The following ZFHX3 variants were observed in gnomAD, a reference collection of about 807,000 sequenced individuals.
ZFHX3 encodes zinc finger homeobox protein 3.
ZFHX3 carries 42 observed loss-of-function variants against 279.1 expected under a neutral mutation model. That is an observed-to-expected ratio of 0.15 (90% confidence interval 0.12 to 0.19). The LOEUF (loss-of-function observed/expected upper bound fraction) is 0.19, where lower values mean the gene tolerates loss of function less well. Among genes scored for constraint, ZFHX3 ranks in the 10% least tolerant of loss-of-function variants. The pLI is 1.00. For synonymous variants in ZFHX3, 2,293 were observed against 1,957.8 expected (o/e 1.17, Z -4.52); for missense variants, 4,981 against 4,754.0 (o/e 1.05, Z -1.40).
rs184542502 is a variant in ZFHX3, at chr16:73,227,685, C to T, written c.-1104+29362G>A. Reference sequence around the variant, plus strand: ...GCAACATGGTGAAACCACATATCTACTAAAAATCCAAAAATTATCCAGGTG... The same window carrying T: ...GCAACATGGTGAAACCACATATCTATTAAAAATCCAAAAATTATCCAGGTG... On this transcript the variant is annotated intron_variant, in intron 5 of 17. Transcript: ENST00000641206. Among the ~76,000 whole-genome samples, 4 of 151,658 alleles carry T rather than the reference C, an allele frequency of 2.6e-5. No individual in the cohort carries two copies. In the East Asian group the frequency reaches 7.8e-4, roughly 30 times the overall value.
At chr16:72,940,784 A>G (rs1021607513) in intron 3 of ZFHX3, among the ~76,000 whole-genome samples, 1 of 152,266 alleles carries the variant, frequency 6.6e-6, no homozygotes, top group Non-Finnish European at 1.5e-5. Flanking sequence ...TGCTCCACTC[A>G]TTAACAGGTT....
chr16:73,374,538 G>T (rs2016688877), intron 3 of ZFHX3, among the ~76,000 whole-genome samples: 2 of 152,186 alleles, frequency 1.3e-5, no homozygotes, highest in African/African-American at 2.4e-5. Context: ...ATCATACCAT[G>T]ATCACACCTA....
At chr16:72,879,393 T>C (rs927979320) in intron 4 of ZFHX3, among the ~76,000 whole-genome samples, 2 of 152,212 alleles carry the variant, frequency 1.3e-5, no homozygotes, top group Middle Eastern at 3.4e-3. Context: ...GCTTAGTCCC[T>C]AAAAGCACAG....
At chr16:73,087,271 G>C (rs1046530593) in intron 8 of ZFHX3, among the ~76,000 whole-genome samples, 4 of 152,146 alleles carry the variant, frequency 2.6e-5, no homozygotes, top group Non-Finnish European at 4.4e-5. Context: ...TGTGAAGTAA[G>C]TCACAGATGG....
chr16:73,639,006 T>A (rs896612266), intron 2 of ZFHX3, among the ~76,000 whole-genome samples: 1 of 152,162 alleles, frequency 6.6e-6, no homozygotes, highest in African/African-American at 2.4e-5. Context: ...TATATTAGCA[T>A]TGTGTTAGAC....
chr16:73,314,815 A>G (rs2015405568), intron 4 of ZFHX3, among the ~76,000 whole-genome samples: 1 of 152,244 alleles, frequency 6.6e-6, no homozygotes, highest in Non-Finnish European at 1.5e-5. Flanking sequence ...GGTATTGTTC[A>G]ATTCAACAGA....
At chr16:73,496,749 C>T (rs2019148863) in intron 2 of ZFHX3, among the ~76,000 whole-genome samples, 1 of 152,146 alleles carries the variant, frequency 6.6e-6, no homozygotes, top group African/African-American at 2.4e-5. Flanking sequence ...AGCTCTCTTG[C>T]CAAATGACTT....
chr16:73,324,706 A>T (rs2015645678), intron 3 of ZFHX3, among the ~76,000 whole-genome samples: 1 of 152,194 alleles, frequency 6.6e-6, no homozygotes, highest in Non-Finnish European at 1.5e-5. Context: ...GAAACTGTAC[A>T]AATTAGTGAG....
chr16:73,633,930 G>A (rs1424397686), intron 2 of ZFHX3, among the ~76,000 whole-genome samples: 1 of 151,756 alleles, frequency 6.6e-6, no homozygotes, highest in African/African-American at 2.4e-5. Flanking sequence ...GAGCAGTGAT[G>A]TTTGGCAAAG....
At chr16:72,978,187 G>A (rs1391290051) in intron 1 of ZFHX3, among the ~76,000 whole-genome samples, 3 of 152,090 alleles carry the variant, frequency 2.0e-5, no homozygotes, top group African/African-American at 7.2e-5. Context: ...TCTTTCTAAG[G>A]AACTCTTTCC....
chr16:73,714,205 C>T (rs966643534), intron 1 of ZFHX3, among the ~76,000 whole-genome samples: 6 of 152,100 alleles, frequency 3.9e-5, no homozygotes, highest in Non-Finnish European at 7.4e-5. Context: ...TTTTCATACG[C>T]TATTCAGATG....
intron 3 of ZFHX3, among the ~76,000 whole-genome samples, chr16:73,429,187 C>T (rs533094883): frequency 6.6e-6 from 1 of 152,234 alleles, no homozygotes; most frequent in Non-Finnish European, 1.5e-5. Flanking sequence ...GATAGCAGCA[C>T]AGAAGTTCTA....
intron 3 of ZFHX3, among the ~76,000 whole-genome samples, chr16:73,441,385 G>A (rs1358410593): frequency 1.3e-5 from 2 of 152,244 alleles, no homozygotes; most frequent in African/African-American, 2.4e-5. Context: ...TGAACTCCCT[G>A]TCATTTTTGC....
intron 1 of ZFHX3, among the ~76,000 whole-genome samples, chr16:73,869,481 T>C (rs1200046340): frequency 6.6e-6 from 1 of 152,194 alleles, no homozygotes; most frequent in East Asian, 1.9e-4. Flanking sequence ...GCACCATAGA[T>C]AAAATACACT....
chr16:73,004,159 C>CCTTTTTTTTT (rs1963611018), intron 1 of ZFHX3, among the ~76,000 whole-genome samples: 1 of 49,372 alleles, frequency 2.0e-5, no homozygotes, highest in African/African-American at 1.1e-4. Flanking sequence ...AAAAACACGA[C>CCTTTTTTTTT]TTTTTTTTTT....
chr16:72,868,978 G>A (rs763983323), intron 4 of ZFHX3, among the ~76,000 whole-genome samples: 1 of 152,236 alleles, frequency 6.6e-6, no homozygotes, highest in Admixed American at 6.5e-5. Flanking sequence ...AAAATCAGAA[G>A]GCTGTATTTC....
intron 5 of ZFHX3, among the ~76,000 whole-genome samples, chr16:73,221,495 C>T (rs531124611): frequency 6.6e-6 from 1 of 152,184 alleles, no homozygotes; most frequent in African/African-American, 2.4e-5. Flanking sequence ...TCACATATCA[C>T]ATTGGGTACA....
intron 7 of ZFHX3, among the ~76,000 whole-genome samples, chr16:72,805,134 C>A (rs1272853668): frequency 1.3e-5 from 2 of 151,980 alleles, no homozygotes; most frequent in Non-Finnish European, 1.5e-5. Context: ...TGCACCACCA[C>A]GCCCAGCTAT....
chr16:72,831,173 G>A (rs1328371565), intron 4 of ZFHX3, among the ~76,000 whole-genome samples: 1 of 152,122 alleles, frequency 6.6e-6, no homozygotes, highest in Non-Finnish European at 1.5e-5. Context: ...GGAAGTAACA[G>A]GAGTACAAAG....
Sources: allele counts gnomAD v4.1 joint callset (sites outside exome capture counted in the v4.1 genomes callset), GRCh38; gene constraint gnomAD v4.1.1; transcripts MANE v1.5; gene names NCBI Gene and HGNC (gene_info 2026-07-23, HGNC 2026-07-21).